Variants in ARID1B observed in about 807,000 individuals in gnomAD.
ARID1B encodes the protein AT-rich interaction domain 1B.
In ARID1B, 30 loss-of-function variants were observed where a neutral mutation model predicts 212.3. That is an observed-to-expected ratio of 0.14 (90% CI 0.11 to 0.19). ARID1B has a LOEUF of 0.19. Ranked by LOEUF, ARID1B falls within the 10% of genes least tolerant of loss-of-function variation. The probability of loss-of-function intolerance (pLI) is 1.00; values close to 1 mark genes in which losing one functional copy is unlikely to be tolerated. For synonymous variants in ARID1B, 1,402 were observed against 1,301.7 expected (o/e 1.08, Z -1.66); for missense variants, 2,891 against 3,204.0 (o/e 0.90, Z 2.36).
intron 4 of ARID1B, among the ~76,000 whole-genome samples, chr6:157,034,406 T>G (rs1189816547): frequency 6.6e-6 from 1 of 152,228 alleles, no homozygotes; most frequent in Non-Finnish European, 1.5e-5. Context: ...GTCTTTCCAT[T>G]GAGAATTTCC....
intron 11 of ARID1B, among the ~76,000 whole-genome samples, chr6:157,179,325 G>C (rs1428605149): frequency 6.6e-6 from 1 of 152,150 alleles, no homozygotes; most frequent in Non-Finnish European, 1.5e-5. Context: ...GTGCTGCCCG[G>C]ATGAGAGTCT....
intron 2 of ARID1B, among the ~76,000 whole-genome samples, chr6:156,852,853 T>C (rs1347246296): frequency 6.6e-6 from 1 of 152,234 alleles, no homozygotes; most frequent in African/African-American, 2.4e-5. Flanking sequence ...GTTTTATAAC[T>C]TAATATTTCT....
chr6:156,776,814 T>C (rs981408292), upstream of ARID1B: 3 of 152,246 alleles, frequency 2.0e-5, no homozygotes, highest in Non-Finnish European at 4.4e-5. Context: ...GCCATAGGGC[T>C]CTCTGACCGG....
chr6:156,835,270 A>G (rs1188542272), intron 2 of ARID1B, among the ~76,000 whole-genome samples: 1 of 151,334 alleles, frequency 6.6e-6, no homozygotes, highest in Non-Finnish European at 1.5e-5. Flanking sequence ...AATATTTTTG[A>G]AAAGATTTGT....
At position 157,039,694 on chromosome 6, in the gene ARID1B, C is replaced by CTTCCTTCCTTCCTTCCTT. The variant is rs1554287218; in HGVS notation, c.2248-44965_2248-44964insCTTCCTTCCTTCCTTTTC. Reference sequence around the variant, plus strand: ...CCTTCCTTCCTTCCTTCCTTCCTTCCTTCTTTCTTTCCTTTCTTTCCTTCC... The same window carrying CTTCCTTCCTTCCTTCCTT: ...CCTTCCTTCCTTCCTTCCTTCCTTCCTTCCTTCCTTCCTTCCTTTTCTTTCTTTCCTTTCTTTCCTTCC... On this transcript the variant is annotated intron_variant, in intron 4 of 19. Coordinates refer to ENST00000636930, the MANE Select transcript of ARID1B (RefSeq NM_001374828.1). Among the ~76,000 whole-genome samples the CTTCCTTCCTTCCTTCCTT allele has an allele frequency of 2.7e-3, 155 of 58,470 alleles. 3 individuals are homozygous for CTTCCTTCCTTCCTTCCTT. Among genetic ancestry groups the CTTCCTTCCTTCCTTCCTT allele is most frequent in the East Asian group, 6.9e-3 (15 of 2,180 alleles). 38.4% of individuals were successfully genotyped at this position (58,470 alleles called of 152,430 possible). A position where few individuals can be genotyped will look rare whatever the true frequency, so the allele number is the denominator to read the frequency against.
intron 4 of ARID1B, among the ~76,000 whole-genome samples, chr6:156,959,951 G>GAC (rs1794253644): frequency 1.5e-5 from 2 of 134,094 alleles, no homozygotes; most frequent in Non-Finnish European, 3.1e-5. Context: ...TTTTTCTCGA[G>GAC]ACAGAGTCTC....
At chr6:156,782,867 T>G (rs1375964887) in intron 1 of ARID1B, among the ~76,000 whole-genome samples, 1 of 152,126 alleles carries the variant, frequency 6.6e-6, no homozygotes, top group East Asian at 1.9e-4. Context: ...ATAACAAATG[T>G]CTGCAGTTTT....
At chr6:157,138,363 G>A (rs1220264281) in intron 7 of ARID1B, among the ~76,000 whole-genome samples, 1 of 152,262 alleles carries the variant, frequency 6.6e-6, no homozygotes, top group Non-Finnish European at 1.5e-5. Flanking sequence ...AGCCTCTCTA[G>A]TAGCTGGGAC....
chr6:156,905,275 C>G (rs763887608), intron 3 of ARID1B, among the ~76,000 whole-genome samples: 4 of 151,988 alleles, frequency 2.6e-5, no homozygotes, highest in Non-Finnish European at 5.9e-5. Context: ...CACACACACA[C>G]ACACACAGAT....
chr6:157,176,164 G>A (rs1301636642), intron 11 of ARID1B, among the ~76,000 whole-genome samples: 1 of 151,804 alleles, frequency 6.6e-6, no homozygotes, highest in Non-Finnish European at 1.5e-5. Flanking sequence ...GAGGAGGAAA[G>A]GGCGATATTC....
intron 2 of ARID1B, among the ~76,000 whole-genome samples, chr6:156,882,602 C>G (rs1207438757): frequency 6.6e-6 from 1 of 152,076 alleles, no homozygotes; most frequent in Non-Finnish European, 1.5e-5. Context: ...ATCAGGAGAC[C>G]AGAAATATAG....
intron 3 of ARID1B, among the ~76,000 whole-genome samples, chr6:156,926,732 G>T (rs538637553): frequency 2.6e-5 from 4 of 152,050 alleles, no homozygotes; most frequent in East Asian, 1.9e-4. Context: ...GCCCAGGCTC[G>T]GGTGCAGTGG....
intron 1 of ARID1B, among the ~76,000 whole-genome samples, chr6:156,789,737 A>G (rs1455919306): frequency 2.0e-5 from 3 of 152,180 alleles, no homozygotes; most frequent in African/African-American, 7.2e-5. Context: ...AGAGCACTGG[A>G]AGATTATGCA....
chr6:156,839,542 C>T (rs1019181577), intron 2 of ARID1B, among the ~76,000 whole-genome samples: 1 of 152,318 alleles, frequency 6.6e-6, no homozygotes, highest in African/African-American at 2.4e-5. Flanking sequence ...TCCCCTTCAG[C>T]TGCCAGGAAG....
intron 4 of ARID1B, among the ~76,000 whole-genome samples, chr6:156,972,753 G>C (rs1201160734): frequency 6.6e-6 from 1 of 152,198 alleles, no homozygotes; most frequent in African/African-American, 2.4e-5. Flanking sequence ...AAATCAGACT[G>C]ATTACAGTTC....
At chr6:157,042,478 C>T (rs1040362418) in intron 4 of ARID1B, among the ~76,000 whole-genome samples, 3 of 151,984 alleles carry the variant, frequency 2.0e-5, no homozygotes, top group Admixed American at 2.0e-4. Context: ...AATTTTATGA[C>T]TCTTTTTATA....
intron 7 of ARID1B, chr6:157,140,678 C>T (rs907800580): frequency 3.3e-5 from 13 of 398,496 alleles, no homozygotes; most frequent in South Asian, 1.3e-4. Context: ...AACCAGATGG[C>T]GAGACCCACC....
chr6:156,868,146 C>G (rs1390694475), intron 2 of ARID1B, among the ~76,000 whole-genome samples: 1 of 152,206 alleles, frequency 6.6e-6, no homozygotes, highest in African/African-American at 2.4e-5. Flanking sequence ...TATTTTGGAT[C>G]AGTTTTCCAC....
intron 4 of ARID1B, among the ~76,000 whole-genome samples, chr6:156,972,753 G>T (rs1201160734): frequency 6.6e-6 from 1 of 152,198 alleles, no homozygotes; most frequent in Non-Finnish European, 1.5e-5. Flanking sequence ...AAATCAGACT[G>T]ATTACAGTTC....
Sources: allele counts gnomAD v4.1 joint callset (sites outside exome capture counted in the v4.1 genomes callset), GRCh38; gene constraint gnomAD v4.1.1; transcripts MANE v1.5; gene names NCBI Gene and HGNC (gene_info 2026-07-23, HGNC 2026-07-21).